Variants in PRKDC observed in about 807,000 individuals in gnomAD.
The protein encoded by PRKDC is DNA-dependent protein kinase catalytic subunit.
A neutral mutation model predicts 486.9 loss-of-function variants in PRKDC; 82 were observed. The observed-to-expected ratio is 0.17, with a 90% confidence interval of 0.14 to 0.20. PRKDC has a LOEUF of 0.20. PRKDC is among the 10% of genes least tolerant of loss of function. The pLI is 1.00. For synonymous variants in PRKDC, 1,895 were observed against 1,837.0 expected (o/e 1.03, Z -0.81); for missense variants, 4,504 against 5,038.2 (o/e 0.89, Z 3.21).
intron 74 of PRKDC, among the ~76,000 whole-genome samples, chr8:47,794,060 GAGCAGAA>G: frequency 6.6e-6 from 1 of 152,276 alleles, no homozygotes; most frequent in East Asian, 1.9e-4. Context: ...ATGACCATAT[GAGCAGAA>G]TGTTTTGTTA....
rs764595285 is a variant in PRKDC, at chr8:47,888,561, T to C, written c.4370A>G (p.Gln1457Arg). 1.5e-5 allele frequency: 24 copies of C among 1,583,806 alleles called. No homozygotes were observed. The highest frequency in any genetic ancestry group is 2.0e-5 in the Non-Finnish European group (23 of 1,164,254). ...ATGCAGAAGCCCAGCTCTGTGAAGC[T>C]GTTTACAGGCAGACACAACAGCAGC... The part of the protein sequence containing the change: ...RLAAVVSACK[Q>R]LHRAGLLHNI... The change falls in exon 34 of 86, where the codon CAG becomes CGG. Residue 1457 changes from glutamine (Q) to arginine (R), a missense_variant. Gln to Arg is a conservative substitution (Grantham distance 43, BLOSUM62 1). Around this residue, in one of 6 missense-constraint regions of PRKDC, gnomAD observed 1,969 missense variants for 2,068.9 expected, o/e 0.95. Coordinates refer to ENST00000314191, the MANE Select transcript of PRKDC (RefSeq NM_006904.7).
At position 47,890,243 on chromosome 8, in the gene PRKDC, A is replaced by C. The variant is rs761601994; in HGVS notation, c.4071+14T>G. 1.3e-6 allele frequency: 2 copies of C among 1,584,856 alleles called. No homozygotes were observed. The highest frequency in any genetic ancestry group is 8.6e-7 in the Non-Finnish European group (1 of 1,163,984). On this transcript the variant is annotated intron_variant, in intron 32 of 85. Coordinates refer to ENST00000314191, the MANE Select transcript of PRKDC (RefSeq NM_006904.7). ...AGTACCAAAAACTGACCTCAAATTAACAGAGCAGCCTACCTTCCATCCTTC... is the reference window on the plus strand; with the variant it reads ...AGTACCAAAAACTGACCTCAAATTACCAGAGCAGCCTACCTTCCATCCTTC...
intron 25 of PRKDC, among the ~76,000 whole-genome samples, chr8:47,905,955 T>G (rs904163318): frequency 8.5e-5 from 13 of 152,098 alleles, no homozygotes; most frequent in African/African-American, 2.9e-4. Flanking sequence ...AGTGGCCTGG[T>G]GGAGGTGTGA....
chr8:47,820,370 T>G (rs148988423), intron 66 of PRKDC, among the ~76,000 whole-genome samples: 3 of 151,872 alleles, frequency 2.0e-5, no homozygotes, highest in African/African-American at 7.3e-5. Context: ...AAAGAGAAAC[T>G]TGGTCTCAAA....
chr8:47,866,656 T>C (rs1305400083), intron 40 of PRKDC, among the ~76,000 whole-genome samples: 2 of 152,182 alleles, frequency 1.3e-5, no homozygotes, highest in Non-Finnish European at 2.9e-5. Flanking sequence ...TTCTCACCTA[T>C]AAATTGGAAA....
chr8:47,859,440 A>G (rs1411686620), intron 46 of PRKDC, among the ~76,000 whole-genome samples, 171 bp downstream of exon 46: 2 of 152,248 alleles, frequency 1.3e-5, no homozygotes, highest in Non-Finnish European at 2.9e-5. Context: ...CTGAGTCTAC[A>G]GAATAAAAGG....
At chr8:47,820,982 C>T (rs1291578349) in intron 65 of PRKDC, 39 bp from the exon 66 acceptor site, 1 of 1,275,336 alleles carries the variant, frequency 7.8e-7, no homozygotes, top group Admixed American at 2.2e-5. Context: ...TACAGAAGGC[C>T]AATTTGAGTA....
rs1362532368 is a variant in PRKDC at position 47,799,327 on chromosome 8, C to T, written c.10180G>A (p.Glu3394Lys). The change falls in exon 72 of 86, where the codon GAG (glutamate) becomes AAG (lysine). Residue 3394 changes from glutamate to lysine, a missense_variant. Physicochemically the swap from Glu to Lys is moderately conservative, Grantham distance 56. Around this residue, in one of 6 missense-constraint regions of PRKDC, gnomAD observed 706 missense variants for 945.0 expected, o/e 0.75. Transcript: ENST00000314191. ...CTCCAGGAGGGAGGCTGGGCCTCCTCCTCAGCCGCCTGCACAGCCTCAGAG... is the reference window on the plus strand; with the variant it reads ...CTCCAGGAGGGAGGCTGGGCCTCCTTCTCAGCCGCCTGCACAGCCTCAGAG... ...HLSEAVQAAE[E>K]EAQPPSWSCG... The T allele has an allele frequency of 1.2e-6, 2 of 1,612,308 alleles. No individual in the cohort carries two copies. The highest frequency in any genetic ancestry group is 1.1e-5 in the South Asian group (1 of 91,066).
Position 47,888,589 on chromosome 8 carries a change from G to A in PRKDC, c.4342C>T (p.Leu1448=), listed in dbSNP as rs377724738. The change falls in exon 34 of 86, where the codon CTG becomes TTG. Residue 1448 remains leucine, a synonymous_variant. Transcript: ENST00000314191. ...TTACAGGCAGACACAACAGCAGCCA[G>A]CCTGCTCCTGTCCACTTGCGCGTCA... ...GPDAQVDRSR[L]AAVVSACKQL... 52 of 1,590,828 alleles carry A rather than the reference G, an allele frequency of 3.3e-5. No homozygotes were observed. In the African/African-American group the frequency reaches 6.6e-4, roughly 20 times the overall value.
intron 56 of PRKDC, among the ~76,000 whole-genome samples, chr8:47,838,831 G>A (rs1052049650): frequency 9.2e-5 from 14 of 152,296 alleles, no homozygotes; most frequent in Admixed American, 6.5e-4. Context: ...TCAACTATGT[G>A]TGTTAAATGG....
intron 13 of PRKDC, 85 bp downstream of exon 13, chr8:47,935,647 T>C: frequency 7.1e-7 from 1 of 1,403,118 alleles, no homozygotes; most frequent in Non-Finnish European, 9.5e-7. Context: ...ACAAAAGAAT[T>C]TGGTAACCAG....
In PRKDC at chr8:47,867,192, C is replaced by T. The variant is rs117748596; in HGVS notation, c.5364-2429G>A. ...GGAAGATTTCTATATGCTGATAGGG[C>T]GAGATCTGTACAAGACACAAGTGGA... On this transcript the variant is annotated intron_variant, in intron 40 of 85. Transcript: ENST00000314191. Among the ~76,000 whole-genome samples the T allele has an allele frequency of 5.9e-4, 89 of 152,044 alleles. No homozygotes were observed. The East Asian group carries it at 0.013, about 21-fold the overall frequency.
At position 47,782,082 on chromosome 8, in the gene PRKDC, G is replaced by A. The variant is rs945011649; in HGVS notation, c.11489+80C>T. The stretch of plus-strand genomic sequence containing the variant: ...GCAGGCAGTGTGGGCTCTCGAGCGC[G>A]CCTGTCACGGCCCCGACCTGCCACT... On this transcript the variant is annotated intron_variant, in intron 80 of 85. Coordinates refer to ENST00000314191, the MANE Select transcript of PRKDC (RefSeq NM_006904.7). This position sits in a 1 kb window ranked among gnomAD's most constrained non-coding sequence, Gnocchi z 4.9. The A allele has an allele frequency of 1.2e-5, 16 of 1,288,674 alleles. No homozygotes were observed. The highest frequency in any genetic ancestry group is 2.5e-5 in the South Asian group (2 of 80,932). 79.8% of individuals were successfully genotyped at this position (1,288,674 alleles called of 1,614,324 possible). A position where few individuals can be genotyped will look rare whatever the true frequency, so the allele number is the denominator to read the frequency against.
chr8:47,789,150 C>T lies in PRKDC; in HGVS notation c.10758+1G>A. The T allele has an allele frequency of 6.2e-7, 1 of 1,613,086 alleles. No individual in the cohort carries two copies. Among genetic ancestry groups the T allele is most frequent in the Non-Finnish European group, 8.5e-7 (1 of 1,179,336 alleles). ...TGTGCCAGAAGCCGTTCTATCATTACCTTAAAGAGCAGTTCAGGATTAGAG... is the reference window on the plus strand; with the variant it reads ...TGTGCCAGAAGCCGTTCTATCATTATCTTAAAGAGCAGTTCAGGATTAGAG... On this transcript the variant is annotated splice_donor_variant, in intron 75 of 85. Coordinates refer to ENST00000314191, the MANE Select transcript of PRKDC (RefSeq NM_006904.7). LOFTEE classifies it high-confidence loss of function.
At chr8:47,857,740 A>C (rs1239733122) in intron 48 of PRKDC, among the ~76,000 whole-genome samples, 1 of 152,128 alleles carries the variant, frequency 6.6e-6, no homozygotes, top group Non-Finnish European at 1.5e-5. Flanking sequence ...GTGAGCCCCG[A>C]GGAAAGAAGG....
At chr8:47,948,618 C>T (rs1202644379) in intron 7 of PRKDC, among the ~76,000 whole-genome samples, 1 of 151,944 alleles carries the variant, frequency 6.6e-6, no homozygotes, top group African/African-American at 2.4e-5. Context: ...CGCCACCACG[C>T]CCAGCTAATT....
At chr8:47,917,219 C>T (rs1200087057) in intron 22 of PRKDC, among the ~76,000 whole-genome samples, 1 of 152,050 alleles carries the variant, frequency 6.6e-6, no homozygotes, top group African/African-American at 2.4e-5. Flanking sequence ...CACACCAATG[C>T]ACTCCACCCT....
At chr8:47,831,373 C>T (rs942952480) in intron 60 of PRKDC, among the ~76,000 whole-genome samples, 1 of 152,222 alleles carries the variant, frequency 6.6e-6, no homozygotes, top group African/African-American at 2.4e-5. Flanking sequence ...CAAATGCATC[C>T]TAATGACCCA....
In PRKDC at chr8:47,847,712, T is replaced by C. The variant is rs111291569; in HGVS notation, c.7280+1442A>G. On this transcript the variant is annotated intron_variant, in intron 54 of 85. Transcript: ENST00000314191. ...ATCAAGAGGGTAAACAGACAACCTA[T>C]AGAATGGGAGAAAATATTCAAAATA... Among the ~76,000 whole-genome samples the C allele has an allele frequency of 9.2e-3, 1,399 of 152,032 alleles. 9 individuals carry two copies. Among genetic ancestry groups the C allele is most frequent in the Non-Finnish European group, 0.015 (1,006 of 67,954 alleles).
Sources: allele counts gnomAD v4.1 joint callset (sites outside exome capture counted in the v4.1 genomes callset), GRCh38; gene constraint gnomAD v4.1.1; regional missense constraint gnomAD v4.1.1; non-coding constraint Gnocchi (gnomAD v3.1); transcripts MANE v1.5; gene names NCBI Gene and HGNC (gene_info 2026-07-23, HGNC 2026-07-21).